The following MS4A4A variants were observed in gnomAD, a reference collection of about 807,000 sequenced individuals.
MS4A4A encodes membrane spanning 4-domains A4A.
Under a neutral mutation model 28.0 loss-of-function variants are expected in MS4A4A, and 26 were observed. That is an observed-to-expected ratio of 0.93 (90% confidence interval 0.68 to 1.29). MS4A4A has a LOEUF of 1.29. Among genes scored for constraint, MS4A4A ranks in the 50% most tolerant of loss-of-function variants. The pLI is 0.00. For missense variants in MS4A4A, 290 were observed against 293.1 expected, an observed-to-expected ratio of 0.99 and a Z score of 0.08; for synonymous variants, 86 against 100.8, an observed-to-expected ratio of 0.85 and a Z score of 0.88.
intron 1 of MS4A4A, chr11:60,282,507 G>A: frequency 8.8e-7 from 1 of 1,138,604 alleles, no homozygotes; most frequent in Non-Finnish European, 1.1e-6. Flanking sequence ...TGGGGGAATA[G>A]TGTCTGAGAG....
chr11:60,283,402 T>G (rs1394811816), intron 1 of MS4A4A, among the ~76,000 whole-genome samples: 1 of 152,254 alleles, frequency 6.6e-6, no homozygotes. Context: ...ATAGTGTAGT[T>G]AATTGCTGGA....
chr11:60,296,382 T>A (rs1307020598), intron 2 of MS4A4A, among the ~76,000 whole-genome samples: 1 of 152,064 alleles, frequency 6.6e-6, no homozygotes, highest in Non-Finnish European at 1.5e-5. Flanking sequence ...AGAGGCTTTT[T>A]AAATTTTATT....
intron 6 of MS4A4A, among the ~76,000 whole-genome samples, chr11:60,306,735 TC>T (rs1433613823): frequency 2.6e-5 from 4 of 152,204 alleles, no homozygotes; most frequent in Non-Finnish European, 5.9e-5. Context: ...AAGCTCTTTT[TC>T]CCCTTCCTTT....
intron 1 of MS4A4A, chr11:60,282,638 T>A: frequency 7.8e-7 from 1 of 1,286,334 alleles, no homozygotes; most frequent in Non-Finnish European, 1.0e-6. Flanking sequence ...GGTTTCAATA[T>A]ATGCAGATGT....
intron 6 of MS4A4A, among the ~76,000 whole-genome samples, chr11:60,307,127 A>T (rs981017462): frequency 6.6e-6 from 1 of 152,234 alleles, no homozygotes; most frequent in African/African-American, 2.4e-5. Context: ...CATTAGCTTC[A>T]TTACCCAAAG....
intron 3 of MS4A4A, among the ~76,000 whole-genome samples, chr11:60,298,251 T>C (rs1478847505): frequency 6.6e-6 from 1 of 152,148 alleles, no homozygotes; most frequent in Non-Finnish European, 1.5e-5. Flanking sequence ...GAATCTATTC[T>C]AGCATTGCAG....
rs759127347 is a variant in MS4A4A, at chr11:60,280,692, G to A, written c.17G>A (p.Ser6Asn). Residue 6 changes from serine (S) to asparagine (N), a missense_variant, in exon 1 of 7, where the codon AGC (serine) becomes AAC (asparagine). Transcript: ENST00000337908. The stretch of plus-strand genomic sequence containing the variant: ...GAGCCCTGCATGCATCAGACCTACA[G>A]CAGACATTGCAGGCCTGAAGAAAGG... Reference protein sequence around the residue: MHQTYSRHCRPEESTF... With the variant: MHQTYNRHCRPEESTF... 1 of 1,613,690 alleles carries A rather than the reference G, an allele frequency of 6.2e-7. No individual in the cohort carries two copies. The highest frequency in any genetic ancestry group is 8.5e-7 in the Non-Finnish European group (1 of 1,179,740).
Position 60,297,134 on chromosome 11 carries a change from G to A in MS4A4A, c.202-63G>A, listed in dbSNP as rs558126381. On this transcript the variant is annotated intron_variant, in intron 2 of 6. Transcript: ENST00000337908. Reference sequence around the variant, plus strand: ...TAAGGATAGCTTAGTGATTGGAAAGGGGGTGGCGGAAGCACCATTTTTGTG... The same window carrying A: ...TAAGGATAGCTTAGTGATTGGAAAGAGGGTGGCGGAAGCACCATTTTTGTG... 6 of 1,593,184 alleles carry A rather than the reference G, an allele frequency of 3.8e-6. No homozygotes were observed. In the East Asian group the frequency reaches 1.1e-4, roughly 30 times the overall value.
chr11:60,282,521 A>G (rs2135006419), intron 1 of MS4A4A: 5 of 1,202,774 alleles, frequency 4.2e-6, no homozygotes, highest in Non-Finnish European at 5.4e-6. Context: ...CTGAGAGAAG[A>G]TAGAGACTAT....
chr11:60,304,628 C>G (rs966942392), intron 5 of MS4A4A, among the ~76,000 whole-genome samples: 2 of 152,204 alleles, frequency 1.3e-5, no homozygotes, highest in African/African-American at 4.8e-5. Flanking sequence ...AGCCCTGTAC[C>G]TGTTTTTGTA....
chr11:60,295,715 T>C (rs2084899853), intron 2 of MS4A4A, among the ~76,000 whole-genome samples: 1 of 152,140 alleles, frequency 6.6e-6, no homozygotes, highest in African/African-American at 2.4e-5. Flanking sequence ...TGGATTTTGT[T>C]CAATATTTTT....
intron 1 of MS4A4A, among the ~76,000 whole-genome samples, chr11:60,282,043 G>A (rs2084759448): frequency 6.6e-6 from 1 of 152,206 alleles, no homozygotes; most frequent in Non-Finnish European, 1.5e-5. Flanking sequence ...GGAAAAAGAG[G>A]AGGCAGTTAT....
intron 5 of MS4A4A, among the ~76,000 whole-genome samples, chr11:60,304,452 C>T (rs1422940654): frequency 6.6e-6 from 1 of 152,200 alleles, no homozygotes; most frequent in Non-Finnish European, 1.5e-5. Flanking sequence ...TTCCCAGAGT[C>T]CATGATGAAT....
intron 1 of MS4A4A, among the ~76,000 whole-genome samples, chr11:60,291,229 T>C (rs1223202367): frequency 1.3e-5 from 2 of 152,226 alleles, no homozygotes; most frequent in Non-Finnish European, 2.9e-5. Context: ...ATCCTTGCTA[T>C]GCACCAGCAA....
At position 60,292,238 on chromosome 11, in the gene MS4A4A, G is replaced by T; in HGVS notation, c.55G>T (p.Ala19Ser). Residue 19 changes from alanine to serine, a missense_variant, in exon 2 of 7, where the codon GCC (alanine) becomes TCC (serine). Transcript: ENST00000337908. The stretch of plus-strand genomic sequence containing the variant: ...TTCTTATTGTAGCACCTTTTCTGCT[G>T]CCATGACAACCATGCAAGGAATGGA... ...CRPEESTFSA[A>S]MTTMQGMEQA... The T allele has an allele frequency of 6.4e-7, 1 of 1,554,390 alleles. No homozygotes were observed.
At chr11:60,307,843 C>T (rs1337259401) in intron 6 of MS4A4A, among the ~76,000 whole-genome samples, 2 of 152,156 alleles carry the variant, frequency 1.3e-5, no homozygotes, top group East Asian at 1.9e-4. Context: ...ACGTACTGTG[C>T]ACTGTCATCC....
chr11:60,297,255 T>C lies in MS4A4A; in HGVS notation c.260T>C (p.Met87Thr), dbSNP rs769252054. 3.1e-6 allele frequency: 5 copies of C among 1,613,634 alleles called. No homozygotes were observed. Among genetic ancestry groups the C allele is most frequent in the South Asian group, 1.1e-5 (1 of 91,072 alleles). Residue 87 changes from methionine to threonine, a missense_variant, in exon 3 of 7, where the codon ATG (methionine) becomes ACG (threonine). Coordinates refer to ENST00000337908, the MANE Select transcript of MS4A4A (RefSeq NM_148975.3). ...SLSMGITMMC[M>T]ASNTYGSNPI... ...AGCATGGGAATAACAATGATGTGTA[T>C]GGCATCTAATACTTATGGAAGTAAC...
chr11:60,294,931 T>TCTTCTTCTTCTTCTTCTTCTTCTG (rs1554993386), intron 2 of MS4A4A, among the ~76,000 whole-genome samples: 4 of 147,380 alleles, frequency 2.7e-5, no homozygotes, highest in African/African-American at 1.0e-4. Context: ...TTCTTCTTCT[T>TCTTCTTCTTCTTCTTCTTCTTCTG]CTTCTTCTTC....
chr11:60,283,659 G>A (rs999466067), intron 1 of MS4A4A, among the ~76,000 whole-genome samples: 1 of 152,172 alleles, frequency 6.6e-6, no homozygotes, highest in African/African-American at 2.4e-5. Context: ...TAGGTAAATT[G>A]TCAATTTATG....
Sources: allele counts gnomAD v4.1 joint callset (sites outside exome capture counted in the v4.1 genomes callset), GRCh38; gene constraint gnomAD v4.1.1; transcripts MANE v1.5; gene names NCBI Gene and HGNC (gene_info 2026-07-23, HGNC 2026-07-21).